Variants in COL4A3 observed in about 807,000 individuals in gnomAD.
COL4A3 encodes the protein collagen type IV alpha 3 chain.
In COL4A3, 135 loss-of-function variants were observed where a neutral mutation model predicts 217.4. The ratio of observed to expected loss-of-function variants is 0.62; its 90% CI spans 0.54 to 0.72. The LOEUF (loss-of-function observed/expected upper bound fraction) is 0.72, where lower values mean the gene tolerates loss of function less well. Among genes scored for constraint, COL4A3 ranks in the 30% least tolerant of loss-of-function variants. The probability of loss-of-function intolerance (pLI) is 0.00; values close to 1 mark genes in which losing one functional copy is unlikely to be tolerated. For missense variants in COL4A3, 1,868 were observed against 2,119.9 expected (o/e 0.88, Z 2.33); for synonymous variants, 690 against 736.3 (o/e 0.94, Z 1.02).
At chr2:227,200,040 T>C (rs536886787) in intron 1 of COL4A3, among the ~76,000 whole-genome samples, 7 of 152,312 alleles carry the variant, frequency 4.6e-5, no homozygotes, top group African/African-American at 1.7e-4. Context: ...AACATAGAGA[T>C]AGCTTTGTCC....
intron 1 of COL4A3, among the ~76,000 whole-genome samples, chr2:227,215,229 G>A (rs1358097969): frequency 2.0e-5 from 3 of 151,524 alleles, no homozygotes; most frequent in Non-Finnish European, 2.9e-5. Flanking sequence ...AAATTTTAAA[G>A]CAATTCAAAA....
At chr2:227,249,698 G>A (rs1180756021) in intron 9 of COL4A3, among the ~76,000 whole-genome samples, 1 of 152,130 alleles carries the variant, frequency 6.6e-6, no homozygotes, top group African/African-American at 2.4e-5. Context: ...TGCAAAAAAT[G>A]CAGAATGATG....
rs2073707817 is a variant in COL4A3 at position 227,310,711 on chromosome 2, T to G, written c.4756-65T>G. The G allele has an allele frequency of 7.4e-6, 10 of 1,353,914 alleles. No individual in the cohort carries two copies. In the South Asian group the frequency reaches 9.7e-5, roughly 13 times the overall value. 83.9% of individuals were successfully genotyped at this position (1,353,914 alleles called of 1,614,324 possible). A position where few individuals can be genotyped will look rare whatever the true frequency, so the allele number is the denominator to read the frequency against. The stretch of plus-strand genomic sequence containing the variant: ...TTGCCCATTCATTCAAAAAAAAAAG[T>G]AGAGAATTGAAAATTTGAACCCCAA... On this transcript the variant is annotated intron_variant, in intron 50 of 51. Coordinates refer to ENST00000396578, the MANE Select transcript of COL4A3 (RefSeq NM_000091.5).
At chr2:227,298,223 A>G (rs1162885671) in intron 42 of COL4A3, among the ~76,000 whole-genome samples, 3 of 152,092 alleles carry the variant, frequency 2.0e-5, no homozygotes, top group Non-Finnish European at 2.9e-5. Flanking sequence ...TTGGTGGTGC[A>G]TGCCTGTAAT....
At chr2:227,202,534 G>A (rs2125741085) in intron 1 of COL4A3, among the ~76,000 whole-genome samples, 1 of 151,342 alleles carries the variant, frequency 6.6e-6, no homozygotes, top group African/African-American at 2.4e-5. Flanking sequence ...CACTAGGTCA[G>A]GAGATCGAGA....
intron 41 of COL4A3, among the ~76,000 whole-genome samples, chr2:227,296,069 C>A (rs941106858): frequency 6.6e-6 from 1 of 152,176 alleles, no homozygotes; most frequent in African/African-American, 2.4e-5. Flanking sequence ...GATGTTCACG[C>A]AAACCAGCAA....
intron 50 of COL4A3, among the ~76,000 whole-genome samples, chr2:227,309,812 A>G (rs2073672315): frequency 6.6e-6 from 1 of 151,956 alleles, no homozygotes; most frequent in South Asian, 2.1e-4. Context: ...TTTTTAGTAG[A>G]GACTGGGTTT....
chr2:227,240,231 AG>A lies in COL4A3; in HGVS notation c.234+1del, dbSNP rs768133435. ...GGCTTGCCTGGACCGCAGGGACCCA[AG>A]GTATGTCATCCTGCAAGCTTGGAAA... ...PEGLPGPQGP[K>X]GFPGLPGLTG... On this transcript the variant is annotated frameshift_variant and splice_region_variant, in exon 3 of 52. Coordinates refer to ENST00000396578, the MANE Select transcript of COL4A3 (RefSeq NM_000091.5). LOFTEE classifies it high-confidence loss of function. 3.7e-6 allele frequency: 6 copies of A among 1,608,558 alleles called. No individual in the cohort carries two copies. The South Asian group carries it at 6.7e-5, about 18-fold the overall frequency.
intron 3 of COL4A3, among the ~76,000 whole-genome samples, chr2:227,243,256 T>C (rs1574666051): frequency 6.6e-6 from 1 of 152,338 alleles, no homozygotes; most frequent in African/African-American, 2.4e-5. Flanking sequence ...TAGATTGATA[T>C]TTTAAAGCAT....
intron 11 of COL4A3, among the ~76,000 whole-genome samples, chr2:227,252,633 C>T (rs570348657): frequency 8.6e-5 from 13 of 152,016 alleles, no homozygotes; most frequent in South Asian, 6.2e-4. Context: ...CATGCATGCA[C>T]GCACCCTGAG....
In COL4A3 at chr2:227,244,911, T is replaced by G. The variant is rs11386485; in HGVS notation, c.280-40T>G. On this transcript the variant is annotated intron_variant, in intron 4 of 51. Coordinates refer to ENST00000396578, the MANE Select transcript of COL4A3 (RefSeq NM_000091.5). ...TTATAGATTGAACATTTTTAAAGTTTTTTTTTTTTGCCACCCCCTCCTTTT... is the reference window on the plus strand; with the variant it reads ...TTATAGATTGAACATTTTTAAAGTTGTTTTTTTTTGCCACCCCCTCCTTTT... The G allele has an allele frequency of 6.5e-3, 5,246 of 802,140 alleles. 94 individuals are homozygous for G. The Admixed American group carries it at 0.12, about 19-fold the overall frequency. 49.7% of individuals were successfully genotyped at this position (802,140 alleles called of 1,614,324 possible).
chr2:227,288,642 G>T (rs2106198610), intron 34 of COL4A3, among the ~76,000 whole-genome samples: 1 of 152,254 alleles, frequency 6.6e-6, no homozygotes, highest in South Asian at 2.1e-4. Flanking sequence ...ATAACACTTT[G>T]TCTTTACTAT....
intron 3 of COL4A3, among the ~76,000 whole-genome samples, chr2:227,241,651 G>C (rs538725766): frequency 4.0e-5 from 6 of 151,068 alleles, no homozygotes; most frequent in African/African-American, 1.5e-4. Context: ...TCCAGCCTGG[G>C]TAATAGAGCG....
chr2:227,195,498 T>TA (rs1295125858), intron 1 of COL4A3, among the ~76,000 whole-genome samples: 1 of 152,158 alleles, frequency 6.6e-6, no homozygotes, highest in Non-Finnish European at 1.5e-5. Flanking sequence ...CTGTTTATGG[T>TA]AATGCTAGTG....
intron 1 of COL4A3, among the ~76,000 whole-genome samples, chr2:227,172,605 T>TA (rs2065528917): frequency 8.1e-6 from 1 of 122,890 alleles, no homozygotes. Flanking sequence ...TTTTTTTTTT[T>TA]AGATGGAGTC....
chr2:227,250,964 CCTGTTACA>C lies in COL4A3; in HGVS notation c.547-174_547-167del, dbSNP rs1258021990. 6.6e-5 allele frequency among the ~76,000 whole-genome samples: 10 copies of C among 152,202 alleles called. No individual in the cohort carries two copies. Among genetic ancestry groups the C allele is most frequent in the African/African-American group, 2.4e-4 (10 of 41,450 alleles). On this transcript the variant is annotated intron_variant, in intron 9 of 51. Coordinates refer to ENST00000396578, the MANE Select transcript of COL4A3 (RefSeq NM_000091.5). This position sits in a 1 kb window ranked among gnomAD's most constrained non-coding sequence, Gnocchi z 4.1. ...GTTATCGTCCAGTTGGTCCTGCCAG[CCTGTTACA>C]CATGGCAACACTTTTTGATGTTTGT...
At chr2:227,166,420 G>A (rs1395803786) in intron 1 of COL4A3, among the ~76,000 whole-genome samples, 1 of 152,168 alleles carries the variant, frequency 6.6e-6, no homozygotes, top group Non-Finnish European at 1.5e-5. Flanking sequence ...TCCAGAGCAG[G>A]GTTTGCACAT....
chr2:227,195,024 G>T (rs2066415081), intron 1 of COL4A3, among the ~76,000 whole-genome samples: 1 of 152,040 alleles, frequency 6.6e-6, no homozygotes, highest in Non-Finnish European at 1.5e-5. Flanking sequence ...GGGGAAAAAA[G>T]AAAATTTTCT....
chr2:227,300,538 C>G (rs1473619094), intron 43 of COL4A3, among the ~76,000 whole-genome samples: 1 of 152,216 alleles, frequency 6.6e-6, no homozygotes, highest in Non-Finnish European at 1.5e-5. Flanking sequence ...GCGTATTAGA[C>G]AAGTTGACCC....
Sources: allele counts gnomAD v4.1 joint callset (sites outside exome capture counted in the v4.1 genomes callset), GRCh38; gene constraint gnomAD v4.1.1; non-coding constraint Gnocchi (gnomAD v3.1); transcripts MANE v1.5; gene names NCBI Gene and HGNC (gene_info 2026-07-23, HGNC 2026-07-21).